TTC27: variants seen among roughly 807,000 people sequenced by gnomAD.
TTC27 encodes the protein tetratricopeptide repeat domain 27, also known as tetratricopeptide repeat protein 27.
In TTC27, 79 loss-of-function variants were observed where a neutral mutation model predicts 115.9. The observed-to-expected ratio is 0.68, with a 90% CI of 0.57 to 0.82. The LOEUF (loss-of-function observed/expected upper bound fraction) is 0.82. Ranked by LOEUF, TTC27 falls within the 40% of genes least tolerant of loss-of-function variation. The pLI is 0.00. For missense variants in TTC27, 1,054 were observed against 993.1 expected (o/e 1.06, Z -0.82); for synonymous variants, 401 against 356.0 (o/e 1.13, Z -1.42).
chr2:32,681,509 C>A (rs763429905), intron 9 of TTC27, among the ~76,000 whole-genome samples: 1 of 152,102 alleles, frequency 6.6e-6, no homozygotes, highest in African/African-American at 2.4e-5. Context: ...CAGCCCCCAA[C>A]TTATGAAAGT....
At chr2:32,724,804 T>G (rs1668052294) in intron 10 of TTC27, among the ~76,000 whole-genome samples, 1 of 152,170 alleles carries the variant, frequency 6.6e-6, no homozygotes, top group South Asian at 2.1e-4. Flanking sequence ...TGACAATATT[T>G]GTTACTGTAT....
chr2:32,743,693 G>A (rs1459409869), intron 12 of TTC27, among the ~76,000 whole-genome samples: 1 of 152,098 alleles, frequency 6.6e-6, no homozygotes, highest in Non-Finnish European at 1.5e-5. Flanking sequence ...GCTTCTCTGT[G>A]TTTATAGTCC....
chr2:32,632,773 C>T (rs1045598966), intron 2 of TTC27, among the ~76,000 whole-genome samples: 1 of 151,962 alleles, frequency 6.6e-6, no homozygotes, highest in Non-Finnish European at 1.5e-5. Context: ...GAATGAAACT[C>T]CAGGATTCCC....
intron 13 of TTC27, among the ~76,000 whole-genome samples, chr2:32,759,243 T>C (rs1238121878): frequency 6.6e-6 from 1 of 152,252 alleles, no homozygotes; most frequent in African/African-American, 2.4e-5. Flanking sequence ...CAATCATTGC[T>C]GTTGAAAAAC....
intron 5 of TTC27, among the ~76,000 whole-genome samples, chr2:32,651,923 C>T (rs1665141103): frequency 6.6e-6 from 1 of 152,008 alleles, no homozygotes; most frequent in Admixed American, 6.5e-5. Context: ...TATATTCTTT[C>T]AACATTTTTA....
intron 19 of TTC27, among the ~76,000 whole-genome samples, chr2:32,818,152 C>A (rs944853514): frequency 6.6e-6 from 1 of 151,798 alleles, no homozygotes; most frequent in Non-Finnish European, 1.5e-5. Context: ...TATTTATTGT[C>A]ATTTTCCCCC....
rs574342046 is a variant in TTC27 at position 32,703,505 on chromosome 2, G to A, written c.1233+585G>A. ...TAATAATGGCACTTACAGGTTTATGGTGAGCATTAAAAGAGACAATAGAAG... is the reference window on the plus strand; with the variant it reads ...TAATAATGGCACTTACAGGTTTATGATGAGCATTAAAAGAGACAATAGAAG... On this transcript the variant is annotated intron_variant, in intron 10 of 19. Transcript: ENST00000317907. 3.9e-5 allele frequency among the ~76,000 whole-genome samples: 6 copies of A among 152,200 alleles called. No homozygotes were observed. The South Asian group carries it at 1.0e-3, about 26-fold the overall frequency.
In TTC27 at chr2:32,811,181, A is replaced by G. The variant is rs1442077636; in HGVS notation, c.2156A>G (p.Tyr719Cys). 1.9e-6 allele frequency: 3 copies of G among 1,614,156 alleles called. No homozygotes were observed. The highest frequency in any genetic ancestry group is 2.2e-5 in the East Asian group (1 of 44,868). Reference sequence around the variant, plus strand: ...ATCTGGAGGCTGTATGCCCACGTATATGGAAATGGGCAGAGTGAAAAGCCT... The same window carrying G: ...ATCTGGAGGCTGTATGCCCACGTATGTGGAAATGGGCAGAGTGAAAAGCCT... The part of the protein sequence containing the change: ...GEIWRLYAHV[Y>C]GNGQSEKPDE... The change falls in exon 17 of 20, where the codon TAT (tyrosine) becomes TGT (cysteine). Residue 719 changes from tyrosine (Y) to cysteine (C), a missense_variant. Coordinates refer to ENST00000317907, the MANE Select transcript of TTC27 (RefSeq NM_017735.5).
chr2:32,779,621 G>C (rs1217722817), intron 14 of TTC27, among the ~76,000 whole-genome samples: 4 of 150,004 alleles, frequency 2.7e-5, no homozygotes, highest in African/African-American at 9.8e-5. Flanking sequence ...TATTGATTGT[G>C]CACTTTAAAG....
intron 4 of TTC27, among the ~76,000 whole-genome samples, chr2:32,642,247 A>ATTTTTTTTTTTTT (rs10634857): frequency 9.8e-6 from 1 of 102,150 alleles, no homozygotes; most frequent in Non-Finnish European, 1.8e-5. Context: ...TATACACTAA[A>ATTTTTTTTTTTTT]TTTTTTTTTT....
intron 7 of TTC27, among the ~76,000 whole-genome samples, chr2:32,670,930 T>G (rs1665991930): frequency 7.0e-6 from 1 of 143,284 alleles, no homozygotes; most frequent in African/African-American, 2.4e-5. Flanking sequence ...CTCTTGCCCA[T>G]TTTTAATTTG....
chr2:32,736,694 C>T lies in TTC27; in HGVS notation c.1330C>T (p.Arg444Cys), dbSNP rs374917696. The part of the protein sequence containing the change: ...CQVPPHWAIQ[R>C]QLASLLFELG... ...AATTATTTTTACTTGATTTTTCTAG[C>T]GCCAACTTGCAAGTTTGCTCTTTGA... is the stretch of plus-strand genomic sequence containing the variant. Residue 444 changes from arginine (R) to cysteine (C), a missense_variant and splice_region_variant, in exon 12 of 20, where the codon CGC (arginine) becomes TGC (cysteine). Arg to Cys is a radical substitution (Grantham distance 180, BLOSUM62 -3). Coordinates refer to ENST00000317907, the MANE Select transcript of TTC27 (RefSeq NM_017735.5). 90 of 1,613,504 alleles carry T rather than the reference C, an allele frequency of 5.6e-5. No individual in the cohort carries two copies. In the Middle Eastern group the frequency reaches 6.6e-4, roughly 12 times the overall value.
At chr2:32,662,682 G>A (rs1207738518) in intron 5 of TTC27, among the ~76,000 whole-genome samples, 1 of 152,040 alleles carries the variant, frequency 6.6e-6, no homozygotes, top group Admixed American at 6.6e-5. Context: ...AGTCTGGCTA[G>A]CGGTCTATCT....
intron 14 of TTC27, 63 bp downstream of exon 14, chr2:32,778,043 C>T (rs1670057488): frequency 2.0e-6 from 3 of 1,519,516 alleles, no homozygotes; most frequent in East Asian, 4.5e-5. Flanking sequence ...TGAAATTGTA[C>T]TGTATGGTTC....
intron 4 of TTC27, among the ~76,000 whole-genome samples, chr2:32,645,554 GTAT>G (rs1664819929): frequency 1.3e-5 from 2 of 151,480 alleles, no homozygotes; most frequent in African/African-American, 4.9e-5. Context: ...TTTTAAAATT[GTAT>G]TATTATTATG....
At chr2:32,672,667 GA>G (rs1666054130) in intron 8 of TTC27, among the ~76,000 whole-genome samples, 1 of 152,178 alleles carries the variant, frequency 6.6e-6, no homozygotes, top group Admixed American at 6.5e-5. Context: ...AGACAAATGA[GA>G]ATGACTATTT....
chr2:32,677,135 T>A (rs1666238661), intron 8 of TTC27, among the ~76,000 whole-genome samples: 1 of 152,190 alleles, frequency 6.6e-6, no homozygotes, highest in South Asian at 2.1e-4. Flanking sequence ...AAAAGTGGTA[T>A]CTTATAATAA....
intron 10 of TTC27, among the ~76,000 whole-genome samples, chr2:32,711,892 A>AT (rs992876209): frequency 2.6e-5 from 4 of 152,118 alleles, no homozygotes; most frequent in Non-Finnish European, 5.9e-5. Flanking sequence ...GTGAGCCGAG[A>AT]TTGTGCCACT....
At chr2:32,671,950 G>T (rs373502199) in intron 7 of TTC27, among the ~76,000 whole-genome samples, 1 of 152,176 alleles carries the variant, frequency 6.6e-6, no homozygotes. Context: ...AATGCCTATT[G>T]TCTATGATTG....
Sources: allele counts gnomAD v4.1 joint callset (sites outside exome capture counted in the v4.1 genomes callset), GRCh38; gene constraint gnomAD v4.1.1; transcripts MANE v1.5; gene names NCBI Gene and HGNC (gene_info 2026-07-23, HGNC 2026-07-21).